FAAP20: variants seen among roughly 807,000 people sequenced by gnomAD.
FAAP20 encodes the protein Fanconi anemia core complex-associated protein 20.
A neutral mutation model predicts 16.2 loss-of-function variants in FAAP20; 12 were observed. The observed-to-expected ratio is 0.74, with a 90% CI of 0.48 to 1.20. FAAP20 has a LOEUF of 1.20. Ranked by LOEUF, FAAP20 falls within the 50% of genes most tolerant of loss-of-function variation. The probability of loss-of-function intolerance (pLI) is 0.00; values close to 1 mark genes in which losing one functional copy is unlikely to be tolerated. For synonymous variants in FAAP20, 141 were observed against 110.7 expected (o/e 1.27, Z -1.72); for missense variants, 288 against 245.8 (o/e 1.17, Z -1.15).
downstream of FAAP20, among the ~76,000 whole-genome samples, chr1:2,208,570 AG>A (rs773665211): frequency 8.5e-5 from 13 of 152,150 alleles, no homozygotes; most frequent in Non-Finnish European, 1.5e-4. Context: ...TCTGTGGGGC[AG>A]CTGCTGGTAC....
chr1:2,192,655 C>T (rs1688365945), intron 3 of FAAP20: 1 of 1,188,430 alleles, frequency 8.4e-7, no homozygotes, highest in African/African-American at 1.6e-5. Context: ...ACTCTGTCAC[C>T]CAGGCTGGAG....
chr1:2,195,394 T>G (rs1411555624), upstream of FAAP20, among the ~76,000 whole-genome samples: 1 of 152,182 alleles, frequency 6.6e-6, no homozygotes, highest in East Asian at 1.9e-4. Context: ...GGTGCCACAC[T>G]TGGCTGTGCC....
downstream of FAAP20, among the ~76,000 whole-genome samples, chr1:2,188,884 A>T (rs1286503020): frequency 1.3e-5 from 2 of 152,138 alleles, no homozygotes; most frequent in African/African-American, 2.4e-5. Flanking sequence ...GGGCGCCTGT[A>T]GTCCCAGCTA....
chr1:2,207,201 G>A (rs1689290006), downstream of FAAP20, among the ~76,000 whole-genome samples: 1 of 152,228 alleles, frequency 6.6e-6, no homozygotes, highest in African/African-American at 2.4e-5. Context: ...TCTGCTGGCA[G>A]AGCTGGGTCC....
upstream of FAAP20, among the ~76,000 whole-genome samples, chr1:2,195,170 C>T (rs989859704): frequency 6.6e-6 from 1 of 152,220 alleles, no homozygotes; most frequent in South Asian, 2.1e-4. Flanking sequence ...GCTTGAAATC[C>T]GCCGTCGCCA....
upstream of FAAP20, among the ~76,000 whole-genome samples, chr1:2,204,497 G>A (rs1309280203): frequency 6.6e-6 from 1 of 152,236 alleles, no homozygotes; most frequent in Non-Finnish European, 1.5e-5. Flanking sequence ...CACGTGGGGC[G>A]TGACTTGGCG....
At chr1:2,195,827 A>G (rs962072801), upstream of FAAP20, among the ~76,000 whole-genome samples, 1 of 152,200 alleles carries the variant, frequency 6.6e-6, no homozygotes, top group African/African-American at 2.4e-5. Flanking sequence ...CTCTCCCTGC[A>G]TGAGTGGTTT....
At chr1:2,188,381 C>G (rs114425854), downstream of FAAP20, among the ~76,000 whole-genome samples, 5 of 152,328 alleles carry the variant, frequency 3.3e-5, no homozygotes, top group South Asian at 4.1e-4. Flanking sequence ...TGATGAGGCC[C>G]TGGAGCCCCC....
downstream of FAAP20, among the ~76,000 whole-genome samples, chr1:2,210,173 C>T (rs1689397970): frequency 6.6e-6 from 1 of 152,168 alleles, no homozygotes; most frequent in African/African-American, 2.4e-5. Flanking sequence ...CCCAGACCTG[C>T]GAGTGTGCCT....
At chr1:2,186,475 G>A (rs905397306), downstream of FAAP20, among the ~76,000 whole-genome samples, 16 of 144,972 alleles carry the variant, frequency 1.1e-4, no homozygotes, top group South Asian at 8.9e-4. Context: ...CATTCCCCCC[G>A]GCCCGAGACC....
upstream of FAAP20, among the ~76,000 whole-genome samples, chr1:2,195,253 C>A (rs2100708484): frequency 1.3e-5 from 2 of 152,278 alleles, no homozygotes; most frequent in South Asian, 4.1e-4. Context: ...TGACAAAGTC[C>A]AGGTGGCTCA....
At chr1:2,211,217 T>C (rs1569621327), downstream of FAAP20, among the ~76,000 whole-genome samples, 5 of 142,812 alleles carry the variant, frequency 3.5e-5, no homozygotes, top group Admixed American at 3.5e-4. Flanking sequence ...CTTTTCTTTT[T>C]CTTTCTTTCT....
chr1:2,194,236 G>T, intron 1 of FAAP20, 103 bp from the exon 2 acceptor site: 1 of 1,441,428 alleles, frequency 6.9e-7, no homozygotes, highest in Non-Finnish European at 9.3e-7. Flanking sequence ...GAGATGGGGG[G>T]TACTAGAGGG....
intron 3 of FAAP20, 61 bp from the exon 4 acceptor site, chr1:2,189,842 C>A: frequency 7.7e-7 from 1 of 1,298,470 alleles, no homozygotes; most frequent in Non-Finnish European, 1.1e-6. Context: ...GCAGAGAGCA[C>A]CGTCTGGACC....
upstream of FAAP20, chr1:2,200,608 T>G (rs1689012312): frequency 1.9e-5 from 19 of 981,800 alleles, no homozygotes; most frequent in Non-Finnish European, 2.2e-5. Context: ...AATATACATG[T>G]CACTCGTTTT....
Position 2,194,231 on chromosome 1 carries a change from G to A in FAAP20, c.63-98C>T, listed in dbSNP as rs1688605457. 4 of 1,487,072 alleles carry A rather than the reference G, an allele frequency of 2.7e-6. No homozygotes were observed. In the South Asian group the frequency reaches 3.7e-5, roughly 14 times the overall value. 92.1% of individuals were successfully genotyped at this position (1,487,072 alleles called of 1,614,324 possible). A position where few individuals can be genotyped will look rare whatever the true frequency, so the allele number is the denominator to read the frequency against. On this transcript the variant is annotated intron_variant, in intron 1 of 3. Coordinates refer to ENST00000378546, the MANE Select transcript of FAAP20 (RefSeq NM_182533.4). ...CCTGGGGCAGAGAGAGCGGGGAGAT[G>A]GGGGGTACTAGAGGGAAATTCGATG... is the stretch of plus-strand genomic sequence containing the variant.
At chr1:2,188,689 G>A (rs186367800), downstream of FAAP20, among the ~76,000 whole-genome samples, 1 of 152,174 alleles carries the variant, frequency 6.6e-6, no homozygotes, top group East Asian at 1.9e-4. Flanking sequence ...AGCTGCAGCT[G>A]CAAGTTCATT....
chr1:2,201,447 C>T (rs926626700), upstream of FAAP20, among the ~76,000 whole-genome samples: 5 of 152,174 alleles, frequency 3.3e-5, no homozygotes, highest in African/African-American at 9.7e-5. Flanking sequence ...AGGCTGGGCA[C>T]GGTGGCTCAC....
At chr1:2,192,990 G>T (rs1026075273) in intron 3 of FAAP20, 7 of 1,303,832 alleles carry the variant, frequency 5.4e-6, no homozygotes, top group Non-Finnish European at 7.1e-6. Flanking sequence ...AAGACCAGGG[G>T]CATCAGGCAT....
Sources: gnomAD v4.1 joint callset for allele counts (sites outside exome capture counted in the v4.1 genomes callset) on GRCh38, gnomAD v4.1.1 for gene constraint, MANE v1.5 for transcripts, NCBI Gene and HGNC (gene_info 2026-07-23, HGNC 2026-07-21) for gene names.